Variants in HOOK3 observed in about 807,000 individuals in gnomAD.
The protein encoded by HOOK3 is protein Hook homolog 3.
Under a neutral mutation model 116.3 loss-of-function variants are expected in HOOK3, and 24 were observed. The observed-to-expected ratio is 0.21, with a 90% CI of 0.15 to 0.29. The LOEUF is 0.29. HOOK3 is among the 10% of genes least tolerant of loss of function. The pLI, the probability that HOOK3 is intolerant of heterozygous loss-of-function variation, is 1.00. For missense variants in HOOK3, 632 were observed against 830.2 expected, an observed-to-expected ratio of 0.76 and a Z score of 2.93; for synonymous variants, 275 against 283.0, an observed-to-expected ratio of 0.97 and a Z score of 0.28.
intron 11 of HOOK3, among the ~76,000 whole-genome samples, chr8:42,969,177 T>C (rs1808684480): frequency 6.6e-6 from 1 of 152,220 alleles, no homozygotes; most frequent in African/African-American, 2.4e-5. Context: ...CTACTATATA[T>C]GTGTGAAGGT....
intron 4 of HOOK3, among the ~76,000 whole-genome samples, chr8:42,939,888 G>A (rs1222389813): frequency 5.3e-5 from 8 of 151,324 alleles, no homozygotes; most frequent in East Asian, 2.0e-4. Context: ...GACGATGGGC[G>A]GCCGGGCAGA....
intron 4 of HOOK3, among the ~76,000 whole-genome samples, chr8:42,941,786 G>A (rs1808132833): frequency 2.6e-5 from 4 of 152,000 alleles, no homozygotes; most frequent in Non-Finnish European, 5.9e-5. Flanking sequence ...CCCCAGCCAA[G>A]TGTGGGGAAG....
intron 13 of HOOK3, among the ~76,000 whole-genome samples, chr8:42,977,860 C>CT (rs1808857601): frequency 6.6e-6 from 1 of 152,020 alleles, no homozygotes; most frequent in Non-Finnish European, 1.5e-5. Context: ...GAGTGAGACT[C>CT]TGTCTCCAAA....
chr8:42,943,064 GT>G (rs1031423020), intron 4 of HOOK3, among the ~76,000 whole-genome samples: 22 of 151,468 alleles, frequency 1.5e-4, no homozygotes, highest in Non-Finnish European at 2.5e-4. Context: ...AGTACTCAGG[GT>G]TTTTTTGTTT....
At chr8:42,938,355 G>C (rs2130376113) in intron 4 of HOOK3, among the ~76,000 whole-genome samples, 1 of 151,972 alleles carries the variant, frequency 6.6e-6, no homozygotes, top group South Asian at 2.1e-4. Context: ...CATCCAATTT[G>C]CTAGTCTGTG....
chr8:43,030,130 G>A lies in HOOK3; in HGVS notation c.*11632G>A, dbSNP rs1810003337. ...ATGATGTCCAAGCATTTTTCCACCT[G>A]TTTACTGAGTTTTCCAACCATTTAC... On this transcript the variant is annotated 3_prime_UTR_variant, in exon 22 of 22. Transcript: ENST00000307602. The A allele has an allele frequency of 4.9e-6, 1 of 205,776 alleles. No homozygotes were observed. Among genetic ancestry groups the A allele is most frequent in the Non-Finnish European group, 9.9e-6 (1 of 100,742 alleles). 12.7% of individuals were successfully genotyped at this position (205,776 alleles called of 1,614,324 possible).
At chr8:43,018,128 T>C (rs1384374030) in intron 21 of HOOK3, among the ~76,000 whole-genome samples, 1 of 152,220 alleles carries the variant, frequency 6.6e-6, no homozygotes, top group Non-Finnish European at 1.5e-5. Flanking sequence ...TCTGCTGTAT[T>C]GTTTATTGTA....
intron 5 of HOOK3, among the ~76,000 whole-genome samples, chr8:42,947,118 G>T (rs1283456049): frequency 6.6e-6 from 1 of 152,032 alleles, no homozygotes; most frequent in Non-Finnish European, 1.5e-5. Context: ...TTTAGCTCAA[G>T]AATTAAATAT....
At chr8:42,923,034 T>A (rs1448006593) in intron 2 of HOOK3, among the ~76,000 whole-genome samples, 2 of 152,200 alleles carry the variant, frequency 1.3e-5, no homozygotes. Context: ...CAACACAGTT[T>A]TTCAAAGTGC....
At chr8:42,983,422 C>T (rs575669629) in intron 14 of HOOK3, among the ~76,000 whole-genome samples, 1 of 152,138 alleles carries the variant, frequency 6.6e-6, no homozygotes, top group African/African-American at 2.4e-5. Context: ...AATGACTCCC[C>T]ATCTTAACTA....
chr8:43,023,228 A>AG lies in HOOK3; in HGVS notation c.*4731dup, dbSNP rs981493334. The AG allele has an allele frequency of 3.5e-5, 5 of 144,534 alleles. No homozygotes were observed. Among genetic ancestry groups the AG allele is most frequent in the African/African-American group, 1.3e-4 (5 of 38,022 alleles). The allele number at this position is 144,534 out of a possible 1,614,324, so 9.0% of individuals were successfully genotyped here. The stretch of plus-strand genomic sequence containing the variant: ...CTCAAAAAAAAAAAAAAAAAAAAAA[A>AG]GAAACATCAGCCTGTATATTCCAGT... On this transcript the variant is annotated 3_prime_UTR_variant, in exon 22 of 22. Coordinates refer to ENST00000307602, the MANE Select transcript of HOOK3 (RefSeq NM_032410.4).
At chr8:42,920,314 C>G (rs955042364) in intron 2 of HOOK3, among the ~76,000 whole-genome samples, 1 of 152,122 alleles carries the variant, frequency 6.6e-6, no homozygotes, top group African/African-American at 2.4e-5. Flanking sequence ...CTTTAGAAAA[C>G]ATTACTGAAA....
intron 16 of HOOK3, among the ~76,000 whole-genome samples, chr8:43,001,520 C>G (rs1586629274): frequency 6.7e-6 from 1 of 149,414 alleles, no homozygotes; most frequent in African/African-American, 2.5e-5. Context: ...ATTTTTAGGT[C>G]AATTTTGATC....
At chr8:42,999,091 A>G (rs560499838) in intron 16 of HOOK3, among the ~76,000 whole-genome samples, 1 of 152,236 alleles carries the variant, frequency 6.6e-6, no homozygotes, top group Non-Finnish European at 1.5e-5. Context: ...AAATGGTGAA[A>G]TATCAGAATC....
At chr8:42,930,724 T>C (rs1448915032) in intron 4 of HOOK3, among the ~76,000 whole-genome samples, 1 of 152,182 alleles carries the variant, frequency 6.6e-6, no homozygotes, top group Non-Finnish European at 1.5e-5. Flanking sequence ...TTTATACCCG[T>C]AGCACTGATC....
intron 21 of HOOK3, among the ~76,000 whole-genome samples, chr8:43,014,283 C>CAAAAAAAAAAAAAA (rs1442156669): frequency 1.3e-5 from 1 of 77,012 alleles, no homozygotes; most frequent in Non-Finnish European, 2.4e-5. Flanking sequence ...AAGACTGTCT[C>CAAAAAAAAAAAAAA]AGAAAAAAAA....
intron 16 of HOOK3, among the ~76,000 whole-genome samples, chr8:43,001,837 C>A (rs934536255): frequency 6.6e-6 from 1 of 152,068 alleles, no homozygotes; most frequent in Non-Finnish European, 1.5e-5. Flanking sequence ...CTTTTTCATT[C>A]CTATTTTATT....
At chr8:42,924,327 CCCTTCCTCCCTT>C (rs1180455795) in intron 2 of HOOK3, among the ~76,000 whole-genome samples, 1 of 148,754 alleles carries the variant, frequency 6.7e-6, no homozygotes, top group Non-Finnish European at 1.5e-5. Context: ...CTCCCTCCCT[CCCTTCCTCCCTT>C]CCTTCCTTCC....
Position 43,025,138 on chromosome 8 carries a change from C to A in HOOK3, c.*6640C>A. 9.4e-6 allele frequency: 2 copies of A among 211,716 alleles called. No individual in the cohort carries two copies. The highest frequency in any genetic ancestry group is 1.9e-5 in the Non-Finnish European group (2 of 104,646). The allele number at this position is 211,716 out of a possible 1,614,324, so 13.1% of individuals were successfully genotyped here. Reference sequence around the variant, plus strand: ...ACAAGAGACCTGTACCTAATTATGGCAAGTATATGAGTTTTGGTGATTGTG... The same window carrying A: ...ACAAGAGACCTGTACCTAATTATGGAAAGTATATGAGTTTTGGTGATTGTG... On this transcript the variant is annotated 3_prime_UTR_variant, in exon 22 of 22. Transcript: ENST00000307602.
Sources: gnomAD v4.1 joint callset for allele counts (sites outside exome capture counted in the v4.1 genomes callset) on GRCh38, gnomAD v4.1.1 for gene constraint, MANE v1.5 for transcripts, NCBI Gene and HGNC (gene_info 2026-07-23, HGNC 2026-07-21) for gene names.